The following OSBPL10 variants were observed in gnomAD, a reference collection of about 807,000 sequenced individuals.
OSBPL10 encodes oxysterol-binding protein-related protein 10.
In OSBPL10, 49 loss-of-function variants were observed where a neutral mutation model predicts 81.7. The observed-to-expected ratio is 0.60, with a 90% CI of 0.48 to 0.76. The LOEUF is 0.76. OSBPL10 is among the 30% of genes least tolerant of loss of function. The pLI is 0.00. For missense variants in OSBPL10, 923 were observed against 987.8 expected (o/e 0.93, Z 0.88); for synonymous variants, 419 against 383.6 (o/e 1.09, Z -1.08).
At chr3:31,683,597 G>A (rs772828279) in intron 8 of OSBPL10, 37 bp downstream of exon 8, 1 of 1,590,722 alleles carries the variant, frequency 6.3e-7, no homozygotes, top group South Asian at 1.1e-5. Context: ...AAACGTCACT[G>A]TGTAAGAGCC....
chr3:32,074,126 C>T (rs1342333616), intron 1 of OSBPL10, among the ~76,000 whole-genome samples: 1 of 152,088 alleles, frequency 6.6e-6, no homozygotes, highest in Non-Finnish European at 1.5e-5. Flanking sequence ...GGCTACCTCT[C>T]CCACCTCCCT....
intron 2 of OSBPL10, among the ~76,000 whole-genome samples, chr3:31,878,628 A>G (rs759513631): frequency 6.6e-6 from 1 of 152,220 alleles, no homozygotes; most frequent in Non-Finnish European, 1.5e-5. Context: ...GTAGTCCCTC[A>G]GTCTGACTTT....
chr3:31,971,510 A>G (rs538871121), intron 1 of OSBPL10, among the ~76,000 whole-genome samples: 1 of 152,278 alleles, frequency 6.6e-6, no homozygotes, highest in Admixed American at 6.5e-5. Context: ...TTGATCCCCA[A>G]AACTCTATGA....
At chr3:31,965,619 T>TATATATTATATA (rs1698337248) in intron 1 of OSBPL10, among the ~76,000 whole-genome samples, 2 of 79,548 alleles carry the variant, frequency 2.5e-5, no homozygotes, top group Non-Finnish European at 4.3e-5. Flanking sequence ...TTATATAAAT[T>TATATATTATATA]ATATATTATA....
At chr3:31,876,779 T>C (rs943046024) in intron 2 of OSBPL10, among the ~76,000 whole-genome samples, 1 of 152,236 alleles carries the variant, frequency 6.6e-6, no homozygotes, top group Non-Finnish European at 1.5e-5. Context: ...TTTTGCCATT[T>C]TTTAGCCTCC....
chr3:32,002,132 A>C (rs1406199364), intron 2 of OSBPL10, among the ~76,000 whole-genome samples: 1 of 152,174 alleles, frequency 6.6e-6, no homozygotes, highest in Non-Finnish European at 1.5e-5. Context: ...TCTAGGGGAA[A>C]ACATTACTCA....
At chr3:32,026,921 C>G (rs1312148417) in intron 2 of OSBPL10, among the ~76,000 whole-genome samples, 1 of 152,208 alleles carries the variant, frequency 6.6e-6, no homozygotes, top group African/African-American at 2.4e-5. Flanking sequence ...ATCTCCTCAC[C>G]CTCAGAAAGT....
chr3:31,983,574 G>C (rs113791786), upstream of OSBPL10, among the ~76,000 whole-genome samples: 1 of 152,208 alleles, frequency 6.6e-6, no homozygotes, highest in Non-Finnish European at 1.5e-5. Context: ...GAGGTGAGTG[G>C]AGCAGATGTG....
chr3:32,020,225 A>G (rs1699348873), intron 2 of OSBPL10, among the ~76,000 whole-genome samples: 1 of 152,234 alleles, frequency 6.6e-6, no homozygotes, highest in Admixed American at 6.5e-5. Context: ...GACTTTTAGA[A>G]TCTGTATAGT....
intron 1 of OSBPL10, among the ~76,000 whole-genome samples, chr3:31,903,958 G>C (rs1172286050): frequency 6.6e-6 from 1 of 152,108 alleles, no homozygotes; most frequent in East Asian, 1.9e-4. Context: ...AGGTTTCCAG[G>C]AATCACCTCC....
intron 6 of OSBPL10, among the ~76,000 whole-genome samples, chr3:31,723,090 C>T (rs1696699520): frequency 6.6e-6 from 1 of 152,192 alleles, no homozygotes; most frequent in Non-Finnish European, 1.5e-5. Context: ...ATGTCCACCA[C>T]TCTTCTTATA....
chr3:31,882,309 G>A (rs908852452), intron 1 of OSBPL10, among the ~76,000 whole-genome samples: 13 of 152,022 alleles, frequency 8.6e-5, no homozygotes, highest in African/African-American at 3.1e-4. Flanking sequence ...TTCTAATAAC[G>A]GTATTTCTGG....
intron 4 of OSBPL10, among the ~76,000 whole-genome samples, chr3:31,757,289 T>C (rs1697915949): frequency 6.6e-6 from 1 of 151,844 alleles, no homozygotes; most frequent in Admixed American, 6.6e-5. Context: ...CCGGTATGAC[T>C]GGTGTTCTTA....
intron 1 of OSBPL10, among the ~76,000 whole-genome samples, chr3:31,921,444 C>T (rs1244297500): frequency 6.6e-6 from 1 of 152,080 alleles, no homozygotes; most frequent in Admixed American, 6.5e-5. Context: ...TAAGGAAGTG[C>T]TCAAACCCAC....
In OSBPL10 at chr3:32,061,360, T is replaced by C. The variant is rs946344556; in HGVS notation, n.186-14757A>G. 4.0e-4 allele frequency among the ~76,000 whole-genome samples: 37 copies of C among 92,754 alleles called. 5 individuals are homozygous for C. The highest frequency in any genetic ancestry group is 1.0e-3 in the African/African-American group (36 of 36,158). The allele number at this position is 92,754 out of a possible 152,430, so 60.9% of individuals were successfully genotyped here. ...CTGGTAGGAGCTCAATATATATTTA[T>C]TATATAAGTGAGAGATGAGATGAAT... On this transcript the variant is annotated intron_variant and non_coding_transcript_variant, in intron 1 of 3. Coordinates refer to the OSBPL10 transcript ENST00000479173.
chr3:31,807,671 G>A lies in OSBPL10; in HGVS notation c.729+22369C>T, dbSNP rs534915518. 2.6e-5 allele frequency among the ~76,000 whole-genome samples: 4 copies of A among 151,898 alleles called. No individual in the cohort carries two copies. The South Asian group carries it at 6.3e-4, about 24-fold the overall frequency. ...GAGGATCACTTGAGTCCAGAAGTTC[G>A]AGGCTGCAGTGAGCTATGATTGGGC... On this transcript the variant is annotated intron_variant, in intron 4 of 11. Transcript: ENST00000396556.
At chr3:31,952,765 G>A (rs1040098066) in intron 1 of OSBPL10, among the ~76,000 whole-genome samples, 16 of 152,044 alleles carry the variant, frequency 1.1e-4, no homozygotes, top group Non-Finnish European at 1.9e-4. Context: ...AAACCTGCCC[G>A]CCTTGTGTGG....
chr3:31,971,211 G>T (rs1698558768), intron 1 of OSBPL10, among the ~76,000 whole-genome samples: 1 of 145,394 alleles, frequency 6.9e-6, no homozygotes, highest in African/African-American at 2.6e-5. Context: ...CACAATCTTG[G>T]CTCACTGCAA....
chr3:31,815,532 C>A (rs1699814743), intron 4 of OSBPL10, among the ~76,000 whole-genome samples: 1 of 152,114 alleles, frequency 6.6e-6, no homozygotes, highest in South Asian at 2.1e-4. Flanking sequence ...AGAGAGGTGG[C>A]CAGTTATGGA....
Sources: allele counts gnomAD v4.1 joint callset (sites outside exome capture counted in the v4.1 genomes callset), GRCh38; gene constraint gnomAD v4.1.1; transcripts MANE v1.5; gene names NCBI Gene and HGNC (gene_info 2026-07-23, HGNC 2026-07-21).